Variants in CFAP74 observed in about 807,000 individuals in gnomAD.
CFAP74 encodes cilia- and flagella-associated protein 74.
In CFAP74, 124 loss-of-function variants were observed where a neutral mutation model predicts 188.9. The observed-to-expected ratio is 0.66, with a 90% confidence interval of 0.57 to 0.76. The LOEUF (loss-of-function observed/expected upper bound fraction) is 0.76, where lower values mean the gene tolerates loss of function less well. Ranked by LOEUF, CFAP74 falls within the 30% of genes least tolerant of loss-of-function variation. CFAP74 has a pLI of 0.00. For synonymous variants in CFAP74, 956 were observed against 916.7 expected (o/e 1.04, Z -0.77); for missense variants, 2,198 against 2,165.2 (o/e 1.02, Z -0.30).
chr1:1,968,867 G>A lies in CFAP74; in HGVS notation c.1047-34C>T, dbSNP rs1269019186. 1 of 1,603,922 alleles carries A rather than the reference G, an allele frequency of 6.2e-7. No individual in the cohort carries two copies. On this transcript the variant is annotated intron_variant, in intron 10 of 38. Transcript: ENST00000682832. The surrounding 1 kb of genome is among the most constrained non-coding windows in gnomAD (Gnocchi z 4.3). ...AGTCGCTTCTCAGATGAGTGCAAGA[G>A]GTCCCCTGCCTCCACCTTGCCCCAG...
chr1:1,929,703 C>T (rs1652207077), intron 26 of CFAP74, among the ~76,000 whole-genome samples: 1 of 151,838 alleles, frequency 6.6e-6, no homozygotes. Flanking sequence ...CTTGTCCTCC[C>T]AGTCGGCCTG....
intron 5 of CFAP74, among the ~76,000 whole-genome samples, chr1:1,986,555 G>A (rs1657251513): frequency 6.6e-6 from 1 of 152,374 alleles, no homozygotes; most frequent in Non-Finnish European, 1.5e-5. Context: ...GGCTCCCGGA[G>A]CAATGCCTGT....
rs1346886693 is a variant in CFAP74, at chr1:1,928,780, G to A, written c.3387+4C>T. 11 of 1,534,096 alleles carry A rather than the reference G, an allele frequency of 7.2e-6. No individual in the cohort carries two copies. Among genetic ancestry groups the A allele is most frequent in the East Asian group, 2.4e-5 (1 of 40,896 alleles). ...TACGCCCCTCCTTCCCGGGCCCCAC[G>A]CACAGATTTGGTCTCCATTTCTTTG... On this transcript the variant is annotated splice_donor_region_variant and intron_variant, in intron 27 of 38. Coordinates refer to ENST00000682832, the MANE Select transcript of CFAP74 (RefSeq NM_001304360.2).
intron 25 of CFAP74, 49 bp downstream of exon 25, chr1:1,938,806 T>C: frequency 1.3e-6 from 2 of 1,523,744 alleles, no homozygotes; most frequent in Non-Finnish European, 1.8e-6. Context: ...GGGCCCCTCC[T>C]GAGCGGGCAC....
chr1:1,966,462 A>G lies in CFAP74; in HGVS notation c.1310T>C (p.Ile437Thr). Residue 437 changes from isoleucine (I) to threonine (T), a missense_variant, in exon 12 of 39, where the codon ATC (isoleucine) becomes ACC (threonine). Ile to Thr is a moderately conservative substitution (Grantham distance 89). Transcript: ENST00000682832. Reference sequence around the variant, plus strand: ...TGAGCTGGCCCCGGGGTCCCCCTGGATAAGCTCACTGGAAACGACTTCCAG... The same window carrying G: ...TGAGCTGGCCCCGGGGTCCCCCTGGGTAAGCTCACTGGAAACGACTTCCAG... The part of the protein sequence containing the change: ...RLLEVVSSEL[I>T]QGDPGASSEE... 6.2e-7 allele frequency: 1 copy of G among 1,606,568 alleles called. No homozygotes were observed. Among genetic ancestry groups the G allele is most frequent in the Non-Finnish European group, 8.5e-7 (1 of 1,175,810 alleles).
intron 25 of CFAP74, among the ~76,000 whole-genome samples, chr1:1,933,619 G>A (rs1652591530): frequency 1.3e-5 from 2 of 152,184 alleles, no homozygotes; most frequent in Non-Finnish European, 2.9e-5. Flanking sequence ...ATTTGTTAGG[G>A]TCTGTGGTGA....
intron 18 of CFAP74, among the ~76,000 whole-genome samples, chr1:1,948,423 A>ATATG (rs1344206660): frequency 6.8e-6 from 1 of 148,100 alleles, no homozygotes; most frequent in Non-Finnish European, 1.5e-5. Context: ...ATATATATAT[A>ATATG]TATATTTATG....
Position 1,955,832 on chromosome 1 carries a change from C to A in CFAP74, c.2035G>T (p.Glu679Ter). 1 of 1,613,526 alleles carries A rather than the reference C, an allele frequency of 6.2e-7. No homozygotes were observed. Among genetic ancestry groups the A allele is most frequent in the Non-Finnish European group, 8.5e-7 (1 of 1,179,988 alleles). ...GCTTTGTCATACAAGCTTTTATCTTCGTAGGTCAGGAGACTGCTCTAGAGA... is the reference window on the plus strand; with the variant it reads ...GCTTTGTCATACAAGCTTTTATCTTAGTAGGTCAGGAGACTGCTCTAGAGA... ...ALKLSSLLTY[E>*]DKSLYDKAAT... The change falls in exon 18 of 39, where the codon GAA becomes TAA. Residue 679 changes from glutamate to a stop codon, truncating the protein, a stop_gained. Transcript: ENST00000682832. LOFTEE classifies it high-confidence loss of function.
Position 1,939,614 on chromosome 1 carries a change from C to G in CFAP74, c.2857G>C (p.Gly953Arg). 6.5e-7 allele frequency: 1 copy of G among 1,535,824 alleles called. No homozygotes were observed. The highest frequency in any genetic ancestry group is 8.7e-7 in the Non-Finnish European group (1 of 1,146,656). The change falls in exon 24 of 39, where the codon GGG becomes CGG. Residue 953 changes from glycine (G) to arginine (R), a missense_variant. Transcript: ENST00000682832. ...GGTACCTTGGGAAGCCTGACGAACC[C>G]GAACTCCTGGGGCAGGAGCGAGTGG... ...HNHSLLPQEF[G>R]FVRLPKFVDV...
At chr1:1,985,275 T>A in intron 6 of CFAP74, 111 bp downstream of exon 6, 1 of 850,874 alleles carries the variant, frequency 1.2e-6, no homozygotes, top group Non-Finnish European at 1.9e-6. Context: ...TCCCCGCAGT[T>A]TGCCGGTCAG....
At position 1,927,728 on chromosome 1, in the gene CFAP74, G is replaced by T. The variant is rs1447426194; in HGVS notation, c.3406C>A (p.Pro1136Thr). The change falls in exon 28 of 39, where the codon CCC (proline) becomes ACC (threonine). Residue 1136 changes from proline (P) to threonine (T), a missense_variant. Pro to Thr is a conservative substitution (Grantham distance 38). Coordinates refer to ENST00000682832, the MANE Select transcript of CFAP74 (RefSeq NM_001304360.2). ...ETKSFRKNMAPQRKDLHGLSF... is the reference protein window; with the variant it reads ...ETKSFRKNMATQRKDLHGLSF... Reference sequence around the variant, plus strand: ...AGTCCATGCAGGTCCTTCCTCTGGGGGGCCATATTCTTTCGGAACTGTGGG... The same window carrying T: ...AGTCCATGCAGGTCCTTCCTCTGGGTGGCCATATTCTTTCGGAACTGTGGG... 1 of 1,550,138 alleles carries T rather than the reference G, an allele frequency of 6.5e-7. No individual in the cohort carries two copies. The highest frequency in any genetic ancestry group is 8.7e-7 in the Non-Finnish European group (1 of 1,146,796).
At chr1:1,980,652 C>A (rs1033866983) in intron 6 of CFAP74, among the ~76,000 whole-genome samples, 2 of 152,236 alleles carry the variant, frequency 1.3e-5, no homozygotes, top group African/African-American at 4.8e-5. Flanking sequence ...CTTCTGCCAG[C>A]CCATGGCCCC....
intron 1 of CFAP74, among the ~76,000 whole-genome samples, 170 bp downstream of exon 1, chr1:2,003,531 C>A (rs913571589): frequency 6.6e-6 from 1 of 152,194 alleles, no homozygotes; most frequent in Non-Finnish European, 1.5e-5. Flanking sequence ...GCTGTGCCAG[C>A]GCCGGGGTTC....
At position 1,973,127 on chromosome 1, in the gene CFAP74, C is replaced by T. The variant is rs1026389795; in HGVS notation, c.675-80G>A. On this transcript the variant is annotated intron_variant, in intron 7 of 38. Transcript: ENST00000682832. The surrounding 1 kb of genome is among the most constrained non-coding windows in gnomAD (Gnocchi z 6.2). ...CCCCAAGCCCTGCACGGCTGGAGCT[C>T]GTGTCCCAGAGACGCCGTGGGCCCT... 3.4e-5 allele frequency: 35 copies of T among 1,041,610 alleles called. No individual in the cohort carries two copies. The highest frequency in any genetic ancestry group is 4.8e-5 in the African/African-American group (3 of 62,338). The allele number at this position is 1,041,610 out of a possible 1,614,324, so 64.5% of individuals were successfully genotyped here. A position where few individuals can be genotyped will look rare whatever the true frequency, so the allele number is the denominator to read the frequency against.
intron 1 of CFAP74, among the ~76,000 whole-genome samples, chr1:1,992,018 T>G (rs559238065): frequency 6.2e-5 from 9 of 145,088 alleles, no homozygotes; most frequent in Non-Finnish European, 8.9e-5. Flanking sequence ...CCAGCCTGGG[T>G]GACAGAGCGA....
intron 4 of CFAP74, among the ~76,000 whole-genome samples, 155 bp downstream of exon 4, chr1:1,988,357 G>A (rs1334581526): frequency 6.6e-6 from 1 of 152,136 alleles, no homozygotes; most frequent in East Asian, 1.9e-4. Flanking sequence ...CTCCCGGGTG[G>A]GGCTTGCAGA....
intron 19 of CFAP74, 90 bp downstream of exon 19, chr1:1,946,900 G>C: frequency 9.8e-7 from 1 of 1,021,570 alleles, no homozygotes; most frequent in Non-Finnish European, 1.5e-6. Flanking sequence ...CTAGCAGTGA[G>C]GGCCAGTGGG....
intron 18 of CFAP74, among the ~76,000 whole-genome samples, chr1:1,948,006 G>A (rs1653888838): frequency 6.6e-6 from 1 of 152,272 alleles, no homozygotes; most frequent in East Asian, 1.9e-4. Context: ...CCGAGTAGCT[G>A]GGATTACACG....
rs375700119 is a variant in CFAP74 at position 1,977,609 on chromosome 1, G to A, written c.501-3411C>T. Among the ~76,000 whole-genome samples the A allele has an allele frequency of 7.9e-5, 12 of 152,290 alleles. No homozygotes were observed. The South Asian group carries it at 1.2e-3, about 16-fold the overall frequency. ...GCAGGACGTGGGGGAAGGTGTGTGG[G>A]AATGAATTCCAACCCTGCCAGACCG... On this transcript the variant is annotated intron_variant, in intron 6 of 38. Transcript: ENST00000682832.
Sources: gnomAD v4.1 joint callset for allele counts (sites outside exome capture counted in the v4.1 genomes callset) on GRCh38, gnomAD v4.1.1 for gene constraint, Gnocchi (gnomAD v3.1) non-coding constraint, MANE v1.5 for transcripts, NCBI Gene and HGNC (gene_info 2026-07-23, HGNC 2026-07-21) for gene names.